The following MAGI1 variants were observed in gnomAD, a reference collection of about 807,000 sequenced individuals.
MAGI1 encodes the protein membrane associated guanylate kinase, WW and PDZ domain containing 1.
A neutral mutation model predicts 139.9 loss-of-function variants in MAGI1; 58 were observed. The observed-to-expected ratio is 0.41, with a 90% confidence interval of 0.34 to 0.52. MAGI1 has a LOEUF of 0.52. MAGI1 is among the 20% of genes least tolerant of loss of function. The pLI, the probability that MAGI1 is intolerant of heterozygous loss-of-function variation, is 0.12. For synonymous variants in MAGI1, 812 were observed against 737.9 expected (o/e 1.10, Z -1.63); for missense variants, 1,874 against 1,901.6 (o/e 0.99, Z 0.27).
chr3:65,988,720 CA>C (rs898555224), intron 1 of MAGI1, among the ~76,000 whole-genome samples: 2 of 152,134 alleles, frequency 1.3e-5, no homozygotes, highest in African/African-American at 4.8e-5. Context: ...AGTCCAAGAG[CA>C]AAAACATGGC....
At position 65,430,275 on chromosome 3, in the gene MAGI1, C is replaced by G. The variant is rs146488061; in HGVS notation, c.1547-135G>C. ...TGATACTATAGGGTATAAAGTGCTTCTATTACTGATTTTAACAGCTAATAA... is the reference window on the plus strand; with the variant it reads ...TGATACTATAGGGTATAAAGTGCTTGTATTACTGATTTTAACAGCTAATAA... On this transcript the variant is annotated intron_variant, in intron 11 of 22. Transcript: ENST00000402939. 2.1e-5 allele frequency: 18 copies of G among 844,730 alleles called. No individual in the cohort carries two copies. In the East Asian group the frequency reaches 4.8e-4, roughly 23 times the overall value. The allele number at this position is 844,730 out of a possible 1,614,324, so 52.3% of individuals were successfully genotyped here.
chr3:65,465,902 G>C (rs977546970), intron 5 of MAGI1, among the ~76,000 whole-genome samples: 2 of 152,090 alleles, frequency 1.3e-5, no homozygotes, highest in Non-Finnish European at 2.9e-5. Context: ...AGCTCTGTTT[G>C]TTGGTTGGTT....
chr3:65,869,173 G>A (rs889433766), intron 1 of MAGI1, among the ~76,000 whole-genome samples: 70 of 149,520 alleles, frequency 4.7e-4, no homozygotes, highest in African/African-American at 1.6e-3. Context: ...GGAGAATGGC[G>A]TGAACCCAGG....
At chr3:65,610,784 T>C (rs1268862488) in intron 2 of MAGI1, among the ~76,000 whole-genome samples, 1 of 140,996 alleles carries the variant, frequency 7.1e-6, no homozygotes. Flanking sequence ...ATACTGTATA[T>C]AGTATATATA....
At chr3:65,417,274 T>A (rs1039126314) in intron 12 of MAGI1, among the ~76,000 whole-genome samples, 80 of 152,194 alleles carry the variant, frequency 5.3e-4, no homozygotes, top group African/African-American at 1.9e-3. Flanking sequence ...ATGGCACACA[T>A]TTACCTATGG....
chr3:65,731,444 G>A (rs1375267789), intron 1 of MAGI1, among the ~76,000 whole-genome samples: 1 of 149,530 alleles, frequency 6.7e-6, no homozygotes, highest in Non-Finnish European at 1.5e-5. Context: ...CTTGAGTCCA[G>A]AAGTTCAAGA....
At chr3:65,927,417 G>C (rs148939136) in intron 1 of MAGI1, among the ~76,000 whole-genome samples, 7 of 152,278 alleles carry the variant, frequency 4.6e-5, no homozygotes, top group African/African-American at 1.4e-4. Flanking sequence ...CCTGCAAAGG[G>C]TCTGTCTCAT....
At chr3:65,570,557 T>C (rs891492064) in intron 2 of MAGI1, among the ~76,000 whole-genome samples, 7 of 152,228 alleles carry the variant, frequency 4.6e-5, no homozygotes, top group African/African-American at 1.4e-4. Context: ...TTAAGGCTTA[T>C]AAATCAGATT....
intron 1 of MAGI1, among the ~76,000 whole-genome samples, chr3:65,972,005 C>G (rs1262304948): frequency 6.6e-6 from 1 of 152,184 alleles, no homozygotes; most frequent in African/African-American, 2.4e-5. Context: ...GATGAGAGAA[C>G]TAGCAAAGGG....
chr3:65,536,684 G>A (rs946382778), intron 2 of MAGI1, among the ~76,000 whole-genome samples: 3 of 152,086 alleles, frequency 2.0e-5, no homozygotes, highest in Admixed American at 6.6e-5. Context: ...TTCAGGGCTG[G>A]CCATATGATC....
At chr3:65,539,678 T>C (rs899107282) in intron 2 of MAGI1, among the ~76,000 whole-genome samples, 8 of 152,174 alleles carry the variant, frequency 5.3e-5, no homozygotes, top group African/African-American at 1.7e-4. Flanking sequence ...GCTGGTTTCC[T>C]GGGCACTCTA....
Position 65,356,425 on chromosome 3 carries a change from G to A in MAGI1, c.4342C>T (p.Gln1448Ter). Residue 1448 changes from glutamine (Q) to a stop codon, truncating the protein, a stop_gained, in exon 23 of 23, where the codon CAG (glutamine) becomes TAG (stop). Transcript: ENST00000402939. LOFTEE classifies it high-confidence loss of function. ...AGRSSRHPPEQRRRPYKECST... is the reference protein window; with the variant it reads ...AGRSSRHPPE ...CATTCTTTGTAAGGTCGCCTTCTCT[G>A]CTCCGGGGGATGTCTGGAACTTCTG... 1.2e-6 allele frequency: 2 copies of A among 1,609,016 alleles called. No individual in the cohort carries two copies. Among genetic ancestry groups the A allele is most frequent in the Admixed American group, 1.7e-5 (1 of 59,622 alleles).
intron 1 of MAGI1, among the ~76,000 whole-genome samples, chr3:65,961,017 C>A: frequency 6.6e-6 from 1 of 152,276 alleles, no homozygotes; most frequent in Non-Finnish European, 1.5e-5. Flanking sequence ...GGCAGGCCTG[C>A]AAAAATTGAT....
At chr3:65,577,328 G>A (rs1304573488) in intron 2 of MAGI1, among the ~76,000 whole-genome samples, 1 of 152,048 alleles carries the variant, frequency 6.6e-6, no homozygotes, top group African/African-American at 2.4e-5. Context: ...AATCCATTAT[G>A]AATAAAACAT....
intron 1 of MAGI1, among the ~76,000 whole-genome samples, chr3:65,925,745 T>C (rs939996015): frequency 4.6e-5 from 7 of 152,140 alleles, no homozygotes; most frequent in African/African-American, 1.2e-4. Context: ...AATGGGGCAA[T>C]GTTGGCTCAC....
intron 5 of MAGI1, among the ~76,000 whole-genome samples, chr3:65,461,918 G>T (rs928449979): frequency 6.6e-6 from 1 of 152,128 alleles, no homozygotes; most frequent in Admixed American, 6.5e-5. Context: ...CCACATAAAT[G>T]TCTTCTTTTG....
chr3:65,708,690 A>G (rs1382829995), intron 1 of MAGI1, among the ~76,000 whole-genome samples: 1 of 141,114 alleles, frequency 7.1e-6, no homozygotes, highest in Non-Finnish European at 1.6e-5. Flanking sequence ...TAAAAAGCAA[A>G]AGAAGAAAGA....
At chr3:65,832,130 T>C (rs2042563983) in intron 1 of MAGI1, among the ~76,000 whole-genome samples, 2 of 152,172 alleles carry the variant, frequency 1.3e-5, no homozygotes, top group South Asian at 2.1e-4. Context: ...CAAAGATTAA[T>C]GTTTAATTGC....
chr3:65,728,308 G>A (rs1384834934), intron 1 of MAGI1, among the ~76,000 whole-genome samples: 4 of 152,140 alleles, frequency 2.6e-5, no homozygotes, highest in Non-Finnish European at 4.4e-5. Flanking sequence ...CCTGTGAGGC[G>A]CAGAAGGTGG....
Sources: gnomAD v4.1 joint callset for allele counts (sites outside exome capture counted in the v4.1 genomes callset) on GRCh38, gnomAD v4.1.1 for gene constraint, MANE v1.5 for transcripts, NCBI Gene and HGNC (gene_info 2026-07-23, HGNC 2026-07-21) for gene names.